HDAC9: variants seen among roughly 807,000 people sequenced by gnomAD.
HDAC9 encodes MEF-2 interacting transcription repressor (MITR) protein.
HDAC9 carries 41 observed loss-of-function variants against 139.4 expected under a neutral mutation model. The ratio of observed to expected loss-of-function variants is 0.29; its 90% CI spans 0.23 to 0.38. The LOEUF (loss-of-function observed/expected upper bound fraction) is 0.38. Ranked by LOEUF, HDAC9 falls within the 10% of genes least tolerant of loss-of-function variation. The pLI, the probability that HDAC9 is intolerant of heterozygous loss-of-function variation, is 1.00. For synonymous variants in HDAC9, 517 were observed against 476.2 expected, an observed-to-expected ratio of 1.09 and a Z score of -1.12; for missense variants, 1,147 against 1,297.0, an observed-to-expected ratio of 0.88 and a Z score of 1.78.
At chr7:18,298,007 G>C (rs1240226444) in intron 1 of HDAC9, among the ~76,000 whole-genome samples, 1 of 152,052 alleles carries the variant, frequency 6.6e-6, no homozygotes, top group African/African-American at 2.4e-5. Flanking sequence ...GTTTTTCTCA[G>C]AGTCCTGCTA....
chr7:18,115,694 C>G (rs1783932862), intron 1 of HDAC9, among the ~76,000 whole-genome samples: 1 of 152,212 alleles, frequency 6.6e-6, no homozygotes, highest in African/African-American at 2.4e-5. Flanking sequence ...GGCAGTTTGC[C>G]ATACCTGCCA....
intron 6 of HDAC9, among the ~76,000 whole-genome samples, chr7:18,620,818 C>T (rs1223597758): frequency 6.6e-6 from 1 of 152,140 alleles, no homozygotes; most frequent in Non-Finnish European, 1.5e-5. Flanking sequence ...TGGTAGTTCT[C>T]TTTCCCATGT....
rs1014493423 is a variant in HDAC9 at position 18,600,246 on chromosome 7, G to T, written c.664+6217G>T. On this transcript the variant is annotated intron_variant, in intron 6 of 25. Transcript: ENST00000686413. ...TACAAATATTTTTCCTCAATCAGTG[G>T]TTTATCTTTTAATTCTTGTATCATT... is the stretch of plus-strand genomic sequence containing the variant. Among the ~76,000 whole-genome samples the T allele has an allele frequency of 2.0e-5, 3 of 151,908 alleles. No individual in the cohort carries two copies. The East Asian group carries it at 5.8e-4, about 29-fold the overall frequency.
intron 2 of HDAC9, among the ~76,000 whole-genome samples, chr7:18,518,405 A>G (rs1442484011): frequency 1.3e-5 from 2 of 152,186 alleles, no homozygotes; most frequent in Non-Finnish European, 2.9e-5. Context: ...GAGACTGTCA[A>G]TTCCATGTCT....
chr7:18,676,244 C>T (rs906313816), intron 12 of HDAC9, among the ~76,000 whole-genome samples: 7 of 151,824 alleles, frequency 4.6e-5, no homozygotes, highest in Non-Finnish European at 7.4e-5. Context: ...TTTAGCAGTG[C>T]GGGGTTGTAT....
intron 1 of HDAC9, among the ~76,000 whole-genome samples, chr7:18,126,358 A>G (rs975020561): frequency 1.2e-4 from 19 of 152,128 alleles, no homozygotes; most frequent in African/African-American, 3.6e-4. Context: ...TACATTCTGA[A>G]TAGAGCACGT....
At chr7:18,765,351 G>A (rs576980256) in intron 15 of HDAC9, among the ~76,000 whole-genome samples, 1 of 152,164 alleles carries the variant, frequency 6.6e-6, no homozygotes, top group Non-Finnish European at 1.5e-5. Flanking sequence ...GCTGGGCACA[G>A]CGGCTCATGC....
chr7:18,334,944 C>T (rs544879994), intron 1 of HDAC9, among the ~76,000 whole-genome samples: 4 of 151,430 alleles, frequency 2.6e-5, no homozygotes, highest in African/African-American at 9.7e-5. Context: ...CACTTCTCTC[C>T]CCTCTTTGGC....
intron 2 of HDAC9, among the ~76,000 whole-genome samples, chr7:18,184,371 G>A (rs1359925898): frequency 6.6e-6 from 1 of 152,158 alleles, no homozygotes; most frequent in Non-Finnish European, 1.5e-5. Context: ...TAGCACTCCA[G>A]CATGGGCAAC....
intron 2 of HDAC9, among the ~76,000 whole-genome samples, chr7:18,282,756 A>G (rs140575967): frequency 1.1e-4 from 16 of 152,154 alleles, no homozygotes; most frequent in Non-Finnish European, 1.8e-4. Flanking sequence ...TCTTGGCCAC[A>G]TGGTTGATGT....
At chr7:18,247,837 C>G (rs7788082) in intron 2 of HDAC9, among the ~76,000 whole-genome samples, 2,532 of 152,190 alleles carry the variant, frequency 0.017, 68 homozygotes, top group African/African-American at 0.057. Context: ...AGAGAAGATT[C>G]TCTTTCTGGA....
intron 2 of HDAC9, among the ~76,000 whole-genome samples, chr7:18,216,127 TGTGA>T (rs1316176409): frequency 0.012 from 1,594 of 131,824 alleles, 24 homozygotes; most frequent in African/African-American, 0.04. Flanking sequence ...TGTGTGTGTG[TGTGA>T]GAGAGAGAGA....
chr7:18,249,255 C>G (rs974608736), intron 2 of HDAC9, among the ~76,000 whole-genome samples: 3 of 152,046 alleles, frequency 2.0e-5, no homozygotes, highest in Admixed American at 2.0e-4. Context: ...GTAATCCCAA[C>G]ACTTTGGGAG....
chr7:18,636,088 C>T (rs1004089494), intron 8 of HDAC9, among the ~76,000 whole-genome samples: 1 of 152,078 alleles, frequency 6.6e-6, no homozygotes, highest in Non-Finnish European at 1.5e-5. Context: ...GTCAGTTTTG[C>T]TCTAGGCACA....
At chr7:18,954,334 T>G in intron 24 of HDAC9, 104 bp downstream of exon 24, 1 of 901,700 alleles carries the variant, frequency 1.1e-6, no homozygotes, top group East Asian at 2.7e-5. Flanking sequence ...TTATCATAAT[T>G]TGCACATGCG....
chr7:18,732,500 TGTATATAC>T (rs1786165342), intron 13 of HDAC9, among the ~76,000 whole-genome samples: 2 of 151,300 alleles, frequency 1.3e-5, no homozygotes, highest in East Asian at 3.9e-4. Context: ...TGTATATATG[TGTATATAC>T]ATATATACAC....
intron 1 of HDAC9, among the ~76,000 whole-genome samples, chr7:18,476,040 G>T (rs1326801786): frequency 6.6e-6 from 1 of 152,132 alleles, no homozygotes; most frequent in African/African-American, 2.4e-5. Flanking sequence ...CTTATTGCAT[G>T]TTTGGTCTCC....
intron 1 of HDAC9, among the ~76,000 whole-genome samples, chr7:18,367,441 C>G (rs938076478): frequency 2.6e-5 from 4 of 152,074 alleles, no homozygotes; most frequent in African/African-American, 9.7e-5. Context: ...AGAAACCAAA[C>G]AGAATAGGTA....
intron 14 of HDAC9, among the ~76,000 whole-genome samples, chr7:18,757,614 A>G (rs562566579): frequency 3.3e-5 from 5 of 152,142 alleles, no homozygotes; most frequent in Admixed American, 6.6e-5. Context: ...TCCAGGGCCA[A>G]TGAGAACTGA....
Sources: gnomAD v4.1 joint callset for allele counts (sites outside exome capture counted in the v4.1 genomes callset) on GRCh38, gnomAD v4.1.1 for gene constraint, MANE v1.5 for transcripts, NCBI Gene and HGNC (gene_info 2026-07-23, HGNC 2026-07-21) for gene names.